The following PON3 variants were observed in gnomAD, a reference collection of about 807,000 sequenced individuals.
PON3 encodes serum paraoxonase/lactonase 3.
A neutral mutation model predicts 36.3 loss-of-function variants in PON3; 37 were observed. The observed-to-expected ratio is 1.02, with a 90% CI of 0.78 to 1.34. The LOEUF (loss-of-function observed/expected upper bound fraction) is 1.34, where lower values mean the gene tolerates loss of function less well. Ranked by LOEUF, PON3 falls within the 40% of genes most tolerant of loss-of-function variation. The probability of loss-of-function intolerance (pLI) is 0.00; values close to 1 mark genes in which losing one functional copy is unlikely to be tolerated. For synonymous variants in PON3, 155 were observed against 154.8 expected, an observed-to-expected ratio of 1.00 and a Z score of -0.01; for missense variants, 415 against 426.5, an observed-to-expected ratio of 0.97 and a Z score of 0.24.
chr7:95,373,733 T>C (rs1368339146), intron 3 of PON3, among the ~76,000 whole-genome samples: 1 of 152,162 alleles, frequency 6.6e-6, no homozygotes, highest in Non-Finnish European at 1.5e-5. Flanking sequence ...TTAGTACTGT[T>C]TATTGATTTT....
At chr7:95,389,682 G>A (rs1285322299) in intron 3 of PON3, among the ~76,000 whole-genome samples, 1 of 152,162 alleles carries the variant, frequency 6.6e-6, no homozygotes, top group African/African-American at 2.4e-5. Context: ...GGGAACCCAA[G>A]ATGGAACGTG....
chr7:95,371,799 G>C (rs1187259665), intron 4 of PON3, among the ~76,000 whole-genome samples: 1 of 152,036 alleles, frequency 6.6e-6, no homozygotes, highest in Non-Finnish European at 1.5e-5. Context: ...ACTTTGATGA[G>C]TCTAATTTGT....
At chr7:95,375,953 C>G (rs1341399710) in intron 3 of PON3, among the ~76,000 whole-genome samples, 1 of 152,208 alleles carries the variant, frequency 6.6e-6, no homozygotes, top group African/African-American at 2.4e-5. Flanking sequence ...CTATACTCAT[C>G]CATCACCACA....
At chr7:95,393,198 T>C (rs1809357390) in intron 2 of PON3, among the ~76,000 whole-genome samples, 1 of 152,222 alleles carries the variant, frequency 6.6e-6, no homozygotes, top group Non-Finnish European at 1.5e-5. Flanking sequence ...GAAAATCATA[T>C]CCCAAAATAA....
intron 4 of PON3, among the ~76,000 whole-genome samples, chr7:95,369,601 C>G (rs1808766232): frequency 6.6e-6 from 1 of 151,982 alleles, no homozygotes; most frequent in Non-Finnish European, 1.5e-5. Context: ...ATGGTGAAAC[C>G]CTGTCTCTAC....
At chr7:95,370,480 A>G (rs1808787581) in intron 4 of PON3, among the ~76,000 whole-genome samples, 1 of 152,250 alleles carries the variant, frequency 6.6e-6, no homozygotes, top group Non-Finnish European at 1.5e-5. Context: ...ACACCATTAT[A>G]TATGAAAATA....
At chr7:95,386,384 G>T (rs1470419446) in intron 3 of PON3, among the ~76,000 whole-genome samples, 1 of 152,160 alleles carries the variant, frequency 6.6e-6, no homozygotes, top group Non-Finnish European at 1.5e-5. Context: ...AAATCTAGAA[G>T]AAATGGATAA....
chr7:95,363,874 T>C lies in PON3; in HGVS notation c.684A>G (p.Ser228=). ...GFCSANGITV[S]ADQKYVYVAD... ...ACAAAAGAGCTTACTTCTGGTCTGCTGAGACTGTGATCCCATTGGCACTAC... is the reference window on the plus strand; with the variant it reads ...ACAAAAGAGCTTACTTCTGGTCTGCCGAGACTGTGATCCCATTGGCACTAC... Residue 228 remains serine, a synonymous_variant, in exon 6 of 9, where the codon TCA becomes TCG. Transcript: ENST00000265627. 1.9e-6 allele frequency: 3 copies of C among 1,613,416 alleles called. No homozygotes were observed. The highest frequency in any genetic ancestry group is 1.7e-5 in the Admixed American group (1 of 60,002).
In PON3 at chr7:95,383,155, C is replaced by T. The variant is rs183163711; in HGVS notation, c.201+6999G>A. On this transcript the variant is annotated intron_variant, in intron 3 of 8. Coordinates refer to ENST00000265627, the MANE Select transcript of PON3 (RefSeq NM_000940.3). ...AGGCCTTCGACAAAATTCAACAGCC[C>T]TTCATGCTAAAAACTCTCAATAAAT... Among the ~76,000 whole-genome samples the T allele has an allele frequency of 7.8e-3, 1,187 of 152,226 alleles. 15 individuals carry two copies. The highest frequency in any genetic ancestry group is 0.027 in the African/African-American group (1,133 of 41,530).
chr7:95,394,518 C>T (rs142822024), intron 2 of PON3, 126 bp downstream of exon 2: 30 of 790,234 alleles, frequency 3.8e-5, no homozygotes, highest in African/African-American at 2.6e-4. Flanking sequence ...GCAGAGTGGA[C>T]GGGGCAGATG....
At chr7:95,366,171 C>G (rs1489893266) in intron 5 of PON3, among the ~76,000 whole-genome samples, 2 of 152,162 alleles carry the variant, frequency 1.3e-5, no homozygotes, top group Non-Finnish European at 2.9e-5. Context: ...TGCCCTCAGG[C>G]TGCACTTTCT....
intron 3 of PON3, among the ~76,000 whole-genome samples, chr7:95,380,568 T>G (rs941043735): frequency 3.3e-5 from 5 of 152,148 alleles, no homozygotes; most frequent in African/African-American, 1.2e-4. Flanking sequence ...CAAGCTTCAG[T>G]AGCCAATTCG....
At chr7:95,370,944 T>A (rs950348092) in intron 4 of PON3, among the ~76,000 whole-genome samples, 1 of 152,196 alleles carries the variant, frequency 6.6e-6, no homozygotes, top group Admixed American at 6.5e-5. Flanking sequence ...CACCTACTCA[T>A]TAGCTGTCAT....
At chr7:95,360,236 G>T in intron 8 of PON3, 105 bp from the exon 9 acceptor site, 1 of 1,113,048 alleles carries the variant, frequency 9.0e-7, no homozygotes, top group Non-Finnish European at 1.4e-6. Flanking sequence ...GAAATCAGAA[G>T]CTAAAATCTG....
chr7:95,362,717 A>T (rs1349703448), intron 7 of PON3, 43 bp downstream of exon 7: 6 of 1,513,708 alleles, frequency 4.0e-6, no homozygotes, highest in Non-Finnish European at 5.5e-6. Flanking sequence ...TATGGGACTA[A>T]GGTAAGAAGT....
intron 5 of PON3, chr7:95,364,485 A>C: frequency 3.8e-6 from 1 of 263,498 alleles, no homozygotes; most frequent in East Asian, 9.9e-5. Flanking sequence ...ATGAAATGAA[A>C]TGAAATGAGG....
In PON3 at chr7:95,396,303, T is replaced by TAAGG; in HGVS notation, c.44_47dup (p.Leu16PhefsTer11). On this transcript the variant is annotated frameshift_variant, in exon 1 of 9. Coordinates refer to ENST00000265627, the MANE Select transcript of PON3 (RefSeq NM_000940.3). LOFTEE classifies it high-confidence loss of function. ...TAAACGCCAGGAACATCTCCCCGAC[T>TAAGG]AAGGACAGGCCGACCCCCAGCAGGA... 1 of 1,613,812 alleles carries TAAGG rather than the reference T, an allele frequency of 6.2e-7. No homozygotes were observed. Among genetic ancestry groups the TAAGG allele is most frequent in the Non-Finnish European group, 8.5e-7 (1 of 1,179,950 alleles).
At position 95,372,953 on chromosome 7, in the gene PON3, G is replaced by A. The variant is rs141474200; in HGVS notation, c.202-615C>T. 2.8e-3 allele frequency among the ~76,000 whole-genome samples: 427 copies of A among 152,232 alleles called. 3 individuals carry two copies. The highest frequency in any genetic ancestry group is 9.6e-3 in the African/African-American group (399 of 41,524). On this transcript the variant is annotated intron_variant, in intron 3 of 8. Coordinates refer to ENST00000265627, the MANE Select transcript of PON3 (RefSeq NM_000940.3). ...ATGCTTTACTCAAACATCACAAAAA[G>A]TTTATTCCAGTAACTTGGACAGTGG...
chr7:95,382,522 T>A (rs1047103609), intron 3 of PON3, among the ~76,000 whole-genome samples: 1 of 152,082 alleles, frequency 6.6e-6, no homozygotes, highest in African/African-American at 2.4e-5. Flanking sequence ...AAAGGGGATA[T>A]CACCACTGAT....
Sources: allele counts gnomAD v4.1 joint callset (sites outside exome capture counted in the v4.1 genomes callset), GRCh38; gene constraint gnomAD v4.1.1; transcripts MANE v1.5; gene names NCBI Gene and HGNC (gene_info 2026-07-23, HGNC 2026-07-21).